The following GALNT14 variants were observed in gnomAD, a reference collection of about 807,000 sequenced individuals.
The protein encoded by GALNT14 is UDP-GalNAc:polypeptide N-acetylgalactosaminyltransferase 14.
A neutral mutation model predicts 77.5 loss-of-function variants in GALNT14; 60 were observed. That is an observed-to-expected ratio of 0.77 (90% CI 0.63 to 0.96). The LOEUF (loss-of-function observed/expected upper bound fraction) is 0.96. Among genes scored for constraint, GALNT14 ranks in the 40% least tolerant of loss-of-function variants. The pLI, the probability that GALNT14 is intolerant of heterozygous loss-of-function variation, is 0.00. For missense variants in GALNT14, 710 were observed against 731.0 expected, an observed-to-expected ratio of 0.97 and a Z score of 0.33; for synonymous variants, 280 against 281.7, an observed-to-expected ratio of 0.99 and a Z score of 0.06.
At chr2:30,944,243 C>A (rs568701012) in intron 8 of GALNT14, among the ~76,000 whole-genome samples, 1 of 152,164 alleles carries the variant, frequency 6.6e-6, no homozygotes, top group Non-Finnish European at 1.5e-5. Context: ...CTACTCTACC[C>A]CAAGCCCTCA....
intron 1 of GALNT14, among the ~76,000 whole-genome samples, chr2:31,086,299 G>A (rs991416478): frequency 6.6e-6 from 1 of 152,198 alleles, no homozygotes; most frequent in South Asian, 2.1e-4. Flanking sequence ...ACACAAGTCA[G>A]CACAGGCCCC....
intron 1 of GALNT14, among the ~76,000 whole-genome samples, chr2:31,125,757 C>T (rs1678673302): frequency 6.6e-6 from 1 of 152,202 alleles, no homozygotes; most frequent in Non-Finnish European, 1.5e-5. Flanking sequence ...CTGCTCCATG[C>T]TGAGTATTTT....
At chr2:30,992,121 C>G (rs112012072) in intron 2 of GALNT14, among the ~76,000 whole-genome samples, 3,757 of 152,258 alleles carry the variant, frequency 0.025, 143 homozygotes, top group African/African-American at 0.077. Flanking sequence ...TTGAGACTGA[C>G]CTGCTTACTA....
chr2:31,078,885 G>C, intron 1 of GALNT14: 2 of 1,286,986 alleles, frequency 1.6e-6, no homozygotes, highest in South Asian at 1.2e-5. Context: ...GGCAAAGCAG[G>C]GTTTGGGGAC....
chr2:31,042,724 T>G (rs1673176854), intron 1 of GALNT14, among the ~76,000 whole-genome samples: 1 of 152,180 alleles, frequency 6.6e-6, no homozygotes, highest in Non-Finnish European at 1.5e-5. Context: ...TCAAAGCATA[T>G]CCAGTATCTG....
chr2:31,076,629 A>ATATATATATATATATATATATAT (rs1553373502), intron 1 of GALNT14, among the ~76,000 whole-genome samples: 5 of 101,912 alleles, frequency 4.9e-5, no homozygotes, highest in African/African-American at 1.6e-4. Flanking sequence ...ATATATATAT[A>ATATATATATATATATATATATAT]TTTTTTTTTT....
intron 9 of GALNT14, among the ~76,000 whole-genome samples, chr2:30,939,918 T>C (rs954523696): frequency 1.3e-4 from 20 of 151,912 alleles, no homozygotes; most frequent in Admixed American, 7.9e-4. Flanking sequence ...GGTGCCTTGT[T>C]ATCCCCACCC....
intron 1 of GALNT14, among the ~76,000 whole-genome samples, chr2:31,036,547 A>C (rs1672747485): frequency 6.6e-6 from 1 of 152,178 alleles, no homozygotes; most frequent in African/African-American, 2.4e-5. Flanking sequence ...TACAGACAAA[A>C]ATACATTTAA....
chr2:30,968,503 G>A (rs1243277898), intron 2 of GALNT14, among the ~76,000 whole-genome samples: 2 of 152,178 alleles, frequency 1.3e-5, no homozygotes, highest in Admixed American at 1.3e-4. Context: ...GGGGACACTC[G>A]AGCAGCCCTG....
chr2:30,943,068 C>G (rs773781326), intron 8 of GALNT14, among the ~76,000 whole-genome samples: 1 of 152,178 alleles, frequency 6.6e-6, no homozygotes, highest in East Asian at 1.9e-4. Flanking sequence ...AGGCCTAGAA[C>G]AGCCCTCAGA....
At chr2:30,973,468 A>C (rs1438252643) in intron 2 of GALNT14, among the ~76,000 whole-genome samples, 1 of 152,206 alleles carries the variant, frequency 6.6e-6, no homozygotes, top group African/African-American at 2.4e-5. Flanking sequence ...GGCTTTTAGA[A>C]TCACAGATTT....
rs776679182 is a variant in GALNT14 at position 31,138,063 on chromosome 2, C to T, written c.24G>A (p.Leu8=). MRRLTRR[L]VLPVFGVLWI... is the part of the protein sequence containing the mutation. Reference sequence around the variant, plus strand: ...AGAGCACCCCGAAGACTGGCAGAACCAGCCGACGAGTCAGGCGCCGCATGG... The same window carrying T: ...AGAGCACCCCGAAGACTGGCAGAACTAGCCGACGAGTCAGGCGCCGCATGG... Residue 8 remains leucine, a synonymous_variant, in exon 1 of 15, where the codon CTG becomes CTA. Transcript: ENST00000349752. The T allele has an allele frequency of 3.7e-6, 6 of 1,613,660 alleles. No homozygotes were observed. Among genetic ancestry groups the T allele is most frequent in the Admixed American group, 3.3e-5 (2 of 60,010 alleles).
intron 1 of GALNT14, among the ~76,000 whole-genome samples, chr2:31,095,925 C>A (rs1676979979): frequency 6.6e-6 from 1 of 152,130 alleles, no homozygotes; most frequent in East Asian, 1.9e-4. Flanking sequence ...AGGCCCATAT[C>A]CAATATGGGC....
intron 2 of GALNT14, among the ~76,000 whole-genome samples, chr2:30,975,949 T>C (rs183574014): frequency 2.3e-4 from 35 of 152,320 alleles, no homozygotes; most frequent in African/African-American, 8.2e-4. Flanking sequence ...TTGTAAAATT[T>C]AGCTTGAAAT....
intron 1 of GALNT14, among the ~76,000 whole-genome samples, chr2:31,035,589 A>G (rs926950024): frequency 4.8e-4 from 39 of 81,356 alleles, no homozygotes; most frequent in African/African-American, 6.6e-4. Flanking sequence ...GTGTGTGTAT[A>G]CATATACATA....
At chr2:31,054,913 C>T (rs775033060) in intron 1 of GALNT14, among the ~76,000 whole-genome samples, 30 of 152,210 alleles carry the variant, frequency 2.0e-4, no homozygotes, top group Admixed American at 2.6e-4. Flanking sequence ...CAGGAAACCA[C>T]GGAGCAAAAT....
At chr2:31,045,398 T>A (rs927005975) in intron 1 of GALNT14, among the ~76,000 whole-genome samples, 1 of 152,208 alleles carries the variant, frequency 6.6e-6, no homozygotes, top group Admixed American at 6.5e-5. Flanking sequence ...CAACTTCTTT[T>A]TTTGGACAAA....
chr2:30,924,389 C>T (rs181704899), intron 12 of GALNT14, 126 bp from the exon 13 acceptor site: 3 of 1,011,752 alleles, frequency 3.0e-6, no homozygotes, highest in Non-Finnish European at 4.5e-6. Context: ...ATCTGCACTG[C>T]TCGGGGAAGG....
chr2:31,009,772 G>T (rs11893539), intron 1 of GALNT14, among the ~76,000 whole-genome samples: 57,672 of 151,822 alleles, frequency 0.38, 11,078 homozygotes, highest in Middle Eastern at 0.49. Flanking sequence ...AGTTACCCTC[G>T]ACAATTCCTT....
Sources: gnomAD v4.1 joint callset for allele counts (sites outside exome capture counted in the v4.1 genomes callset) on GRCh38, gnomAD v4.1.1 for gene constraint, MANE v1.5 for transcripts, NCBI Gene and HGNC (gene_info 2026-07-23, HGNC 2026-07-21) for gene names.